Variants in SLMAP observed in about 807,000 individuals in gnomAD.
SLMAP encodes sarcolemmal membrane-associated protein.
Under a neutral mutation model 128.8 loss-of-function variants are expected in SLMAP, and 44 were observed. That is an observed-to-expected ratio of 0.34 (90% CI 0.27 to 0.44). SLMAP has a LOEUF of 0.44. Ranked by LOEUF, SLMAP falls within the 20% of genes least tolerant of loss-of-function variation. SLMAP has a pLI of 1.00. For missense variants in SLMAP, 787 were observed against 985.3 expected (o/e 0.80, Z 2.69); for synonymous variants, 327 against 348.8 (o/e 0.94, Z 0.70).
chr3:57,792,593 T>C (rs2085729417), intron 2 of SLMAP, among the ~76,000 whole-genome samples: 1 of 152,180 alleles, frequency 6.6e-6, no homozygotes, highest in African/African-American at 2.4e-5. Context: ...TTTTATATTC[T>C]ATATTGTGTG....
rs139395667 is a variant in SLMAP, at chr3:57,872,376, G to A, written c.1300+678G>A. 6.7e-3 allele frequency among the ~76,000 whole-genome samples: 1,015 copies of A among 152,212 alleles called. 7 individuals carry two copies. Among genetic ancestry groups the A allele is most frequent in the Middle Eastern group, 0.021 (6 of 292 alleles). On this transcript the variant is annotated intron_variant, in intron 14 of 24. Coordinates refer to ENST00000671191, the MANE Select transcript of SLMAP (RefSeq NM_001377540.1). ...CTCACACCTGTAATCCTAGCACTTT[G>A]GGGAGGCCGAAGTGGGTGGATCACC... is the stretch of plus-strand genomic sequence containing the variant.
intron 22 of SLMAP, among the ~76,000 whole-genome samples, chr3:57,919,532 C>T (rs556188833): frequency 2.0e-4 from 30 of 152,112 alleles, no homozygotes; most frequent in Non-Finnish European, 4.1e-4. Context: ...CAGTGGCTCA[C>T]TCCTGTAATC....
chr3:57,882,378 A>T (rs573711279), intron 14 of SLMAP, among the ~76,000 whole-genome samples: 2 of 152,250 alleles, frequency 1.3e-5, no homozygotes, highest in African/African-American at 4.8e-5. Context: ...GATAGGGAAC[A>T]ATAAAGGTAG....
intron 14 of SLMAP, among the ~76,000 whole-genome samples, chr3:57,882,507 C>G (rs939271681): frequency 1.3e-5 from 2 of 152,184 alleles, no homozygotes; most frequent in Non-Finnish European, 2.9e-5. Flanking sequence ...AGAACTTAAA[C>G]ACCTTTTTAA....
intron 5 of SLMAP, among the ~76,000 whole-genome samples, chr3:57,848,709 C>CT (rs34568039): frequency 0.41 from 41,879 of 103,348 alleles, 10,473 homozygotes; most frequent in Non-Finnish European, 0.49. Context: ...CCTCCTACTC[C>CT]TTTTTTTTTT....
intron 2 of SLMAP, among the ~76,000 whole-genome samples, chr3:57,794,509 C>T (rs937605031): frequency 1.3e-5 from 2 of 152,050 alleles, no homozygotes; most frequent in African/African-American, 2.4e-5. Context: ...CACAAAATTG[C>T]GCATCTATTA....
intron 13 of SLMAP, among the ~76,000 whole-genome samples, chr3:57,870,694 G>A (rs2095460747): frequency 6.6e-6 from 1 of 152,196 alleles, no homozygotes; most frequent in Non-Finnish European, 1.5e-5. Context: ...GGCCTGAGGT[G>A]GACGAGAGGG....
At chr3:57,804,403 A>C (rs1435148319) in intron 2 of SLMAP, among the ~76,000 whole-genome samples, 1 of 152,238 alleles carries the variant, frequency 6.6e-6, no homozygotes, top group Non-Finnish European at 1.5e-5. Context: ...TGATAAAATA[A>C]AAATTTTCTA....
chr3:57,811,743 C>G (rs2091013509), intron 2 of SLMAP, among the ~76,000 whole-genome samples: 1 of 152,168 alleles, frequency 6.6e-6, no homozygotes, highest in African/African-American at 2.4e-5. Context: ...TCTTTGCCAA[C>G]ACTTATTTTC....
intron 2 of SLMAP, among the ~76,000 whole-genome samples, chr3:57,826,417 A>G (rs2092930415): frequency 6.6e-6 from 1 of 152,266 alleles, no homozygotes; most frequent in East Asian, 1.9e-4. Flanking sequence ...TAATTTTTAT[A>G]TGAAATTGGT....
intron 3 of SLMAP, among the ~76,000 whole-genome samples, chr3:57,837,594 C>T (rs940667178): frequency 5.9e-5 from 9 of 152,184 alleles, no homozygotes; most frequent in Admixed American, 4.6e-4. Flanking sequence ...TGGTCTCTCT[C>T]TCCTGACCTC....
chr3:57,862,557 GA>G (rs2095128735), intron 10 of SLMAP, among the ~76,000 whole-genome samples: 1 of 142,362 alleles, frequency 7.0e-6, no homozygotes, highest in Non-Finnish European at 1.5e-5. Context: ...AGAATCACTT[GA>G]ACCCAGGAGG....
intron 18 of SLMAP, 21 bp from the exon 19 acceptor site, chr3:57,909,055 A>T (rs1356319109): frequency 6.5e-7 from 1 of 1,537,964 alleles, no homozygotes; most frequent in South Asian, 1.1e-5. Flanking sequence ...CTATTAATAG[A>T]TACTGTGTTT....
chr3:57,795,033 C>T (rs2086399779), intron 2 of SLMAP, among the ~76,000 whole-genome samples: 1 of 152,170 alleles, frequency 6.6e-6, no homozygotes, highest in Non-Finnish European at 1.5e-5. Flanking sequence ...ACCATTCCCA[C>T]CAGGAATTTC....
chr3:57,853,189 G>A (rs949608978), intron 6 of SLMAP, among the ~76,000 whole-genome samples: 4 of 152,112 alleles, frequency 2.6e-5, no homozygotes, highest in Non-Finnish European at 5.9e-5. Flanking sequence ...CTGAATGTTA[G>A]GAATGTTTTA....
intron 13 of SLMAP, among the ~76,000 whole-genome samples, chr3:57,868,953 TATA>T (rs1466823188): frequency 1.5e-5 from 2 of 135,180 alleles, no homozygotes; most frequent in Admixed American, 8.9e-5. Flanking sequence ...GTGTATTATA[TATA>T]ATATATGTGT....
chr3:57,832,314 A>G (rs994788746), intron 3 of SLMAP, among the ~76,000 whole-genome samples: 1 of 152,230 alleles, frequency 6.6e-6, no homozygotes, highest in African/African-American at 2.4e-5. Flanking sequence ...TCTTAGCAAG[A>G]AAGAAGATGG....
chr3:57,918,732 C>T (rs1232960975), intron 22 of SLMAP, among the ~76,000 whole-genome samples: 1 of 152,216 alleles, frequency 6.6e-6, no homozygotes, highest in Non-Finnish European at 1.5e-5. Context: ...TATTGATGCA[C>T]ATATATTCCC....
At chr3:57,781,079 A>T (rs185658278) in intron 2 of SLMAP, among the ~76,000 whole-genome samples, 22 of 151,932 alleles carry the variant, frequency 1.4e-4, no homozygotes, top group African/African-American at 4.6e-4. Context: ...AAAATAGAAT[A>T]AAAAAATAAA....
Sources: allele counts gnomAD v4.1 joint callset (sites outside exome capture counted in the v4.1 genomes callset), GRCh38; gene constraint gnomAD v4.1.1; transcripts MANE v1.5; gene names NCBI Gene and HGNC (gene_info 2026-07-23, HGNC 2026-07-21).